The following CUBN variants were observed in gnomAD, a reference collection of about 807,000 sequenced individuals.
CUBN encodes 460 kDa receptor.
Under a neutral mutation model 405.3 loss-of-function variants are expected in CUBN, and 282 were observed. The observed-to-expected ratio is 0.70, with a 90% CI of 0.63 to 0.77. The LOEUF (loss-of-function observed/expected upper bound fraction) is 0.77. Among genes scored for constraint, CUBN ranks in the 30% least tolerant of loss-of-function variants. The pLI is 0.00. For synonymous variants in CUBN, 1,684 were observed against 1,617.0 expected, an observed-to-expected ratio of 1.04 and a Z score of -0.99; for missense variants, 4,514 against 4,475.2, an observed-to-expected ratio of 1.01 and a Z score of -0.25.
At chr10:16,843,630 G>A (rs1456066957) in intron 60 of CUBN, among the ~76,000 whole-genome samples, 1 of 152,158 alleles carries the variant, frequency 6.6e-6, no homozygotes, top group African/African-American at 2.4e-5. Context: ...AATCATTGCT[G>A]TCTTTATGAT....
At chr10:16,874,150 T>G (rs140465183) in intron 58 of CUBN, among the ~76,000 whole-genome samples, 1 of 152,330 alleles carries the variant, frequency 6.6e-6, no homozygotes, top group African/African-American at 2.4e-5. Context: ...AACGACTGTT[T>G]TAACTGGTGA....
chr10:17,061,900 T>C (rs1467504954), intron 22 of CUBN, among the ~76,000 whole-genome samples: 1 of 152,232 alleles, frequency 6.6e-6, no homozygotes, highest in East Asian at 1.9e-4. Context: ...AAGACGGGAC[T>C]CAGTTGTTTA....
intron 36 of CUBN, among the ~76,000 whole-genome samples, chr10:16,944,384 T>C (rs1488461097): frequency 6.6e-6 from 1 of 152,230 alleles, no homozygotes; most frequent in Non-Finnish European, 1.5e-5. Flanking sequence ...TTAGGTTTTA[T>C]TTCTCCCCGT....
At chr10:16,921,051 C>T (rs753226591) in intron 43 of CUBN, among the ~76,000 whole-genome samples, 14 of 152,312 alleles carry the variant, frequency 9.2e-5, no homozygotes, top group African/African-American at 3.4e-4. Flanking sequence ...GTGTTCAATT[C>T]AAGCCATTCA....
At chr10:16,900,927 T>G in intron 52 of CUBN, 77 bp from the exon 53 acceptor site, 1 of 988,816 alleles carries the variant, frequency 1.0e-6, no homozygotes, top group Non-Finnish European at 1.5e-6. Context: ...ACAAATCGTT[T>G]AATTTTGTTT....
intron 31 of CUBN, 59 bp downstream of exon 31, chr10:16,982,425 A>T: frequency 7.0e-7 from 1 of 1,427,430 alleles, no homozygotes; most frequent in Non-Finnish European, 9.9e-7. Context: ...ATATGCTTAT[A>T]TGGCAGTGTT....
chr10:17,114,010 T>C lies in CUBN; in HGVS notation c.883+17A>G, dbSNP rs770647176. The C allele has an allele frequency of 4.3e-6, 7 of 1,610,458 alleles. No individual in the cohort carries two copies. In the South Asian group the frequency reaches 5.5e-5, roughly 13 times the overall value. ...AACCTGGCATGCAGAGCCTGGCTTG[T>C]GGCCCTGAGAATGTACCTGTTGGAC... is the stretch of plus-strand genomic sequence containing the variant. On this transcript the variant is annotated intron_variant, in intron 8 of 66. Coordinates refer to ENST00000377833, the MANE Select transcript of CUBN (RefSeq NM_001081.4).
At chr10:17,022,831 T>C (rs1183392056) in intron 27 of CUBN, among the ~76,000 whole-genome samples, 1 of 152,252 alleles carries the variant, frequency 6.6e-6, no homozygotes, top group African/African-American at 2.4e-5. Flanking sequence ...TGGATTGTAA[T>C]TTAGTGACCA....
intron 31 of CUBN, among the ~76,000 whole-genome samples, chr10:16,981,612 T>C (rs1263581531): frequency 2.6e-5 from 4 of 152,108 alleles, no homozygotes; most frequent in African/African-American, 4.8e-5. Flanking sequence ...TAAAAGAGCA[T>C]TGTAACAAGC....
chr10:16,957,911 A>G (rs910717535), intron 31 of CUBN, among the ~76,000 whole-genome samples: 12 of 149,962 alleles, frequency 8.0e-5, no homozygotes, highest in Admixed American at 2.7e-4. Context: ...AAAAAAAAAG[A>G]AAAAACTCTA....
chr10:17,046,715 T>A (rs1323924863), intron 23 of CUBN, among the ~76,000 whole-genome samples: 1 of 152,178 alleles, frequency 6.6e-6, no homozygotes, highest in Non-Finnish European at 1.5e-5. Flanking sequence ...TTATGATTTA[T>A]TATTTTAATA....
At chr10:16,989,484 C>A (rs1358201546) in intron 29 of CUBN, among the ~76,000 whole-genome samples, 1 of 147,440 alleles carries the variant, frequency 6.8e-6, no homozygotes, top group Non-Finnish European at 1.5e-5. Flanking sequence ...AAGAATATTA[C>A]ATAAATAATG....
chr10:17,069,067 T>C (rs1835679022), intron 19 of CUBN, among the ~76,000 whole-genome samples: 1 of 152,192 alleles, frequency 6.6e-6, no homozygotes, highest in South Asian at 2.1e-4. Context: ...TGTGATTAGC[T>C]TCTTTCACAC....
At chr10:16,908,594 C>G (rs1308894115) in intron 48 of CUBN, among the ~76,000 whole-genome samples, 1 of 152,098 alleles carries the variant, frequency 6.6e-6, no homozygotes, top group South Asian at 2.1e-4. Context: ...ATTATTGACT[C>G]TAAAATATTA....
At chr10:16,939,236 AG>A in intron 37 of CUBN, 89 bp from the exon 38 acceptor site, 1 of 1,028,460 alleles carries the variant, frequency 9.7e-7, no homozygotes, top group Non-Finnish European at 1.5e-6. Flanking sequence ...GGTGTTGAAA[AG>A]GATGGACTTT....
At chr10:16,887,317 T>C (rs911486757) in intron 56 of CUBN, among the ~76,000 whole-genome samples, 1 of 152,244 alleles carries the variant, frequency 6.6e-6, no homozygotes, top group African/African-American at 2.4e-5. Context: ...AATACTTGTG[T>C]TGTTAAAGTT....
chr10:16,866,239 C>A (rs1422741185), intron 59 of CUBN, among the ~76,000 whole-genome samples: 1 of 152,108 alleles, frequency 6.6e-6, no homozygotes, highest in Non-Finnish European at 1.5e-5. Context: ...TTACTGAAAG[C>A]CCCTGATCTA....
In CUBN at chr10:16,824,882, G is replaced by T. The variant is rs111644764; in HGVS notation, c.*93C>A. 3,239 of 860,122 alleles carry T rather than the reference G, an allele frequency of 3.8e-3. 78 individuals are homozygous for T. In the African/African-American group the frequency reaches 0.044, roughly 12 times the overall value. 53.3% of individuals were successfully genotyped at this position (860,122 alleles called of 1,614,324 possible). On this transcript the variant is annotated 3_prime_UTR_variant, in exon 67 of 67. Coordinates refer to ENST00000377833, the MANE Select transcript of CUBN (RefSeq NM_001081.4). ...ACCATACAAGTTCAGCTTATTCTCT[G>T]TGGCATCAGCAGGGGTCATGTATCA...
intron 11 of CUBN, among the ~76,000 whole-genome samples, 153 bp from the exon 12 acceptor site, chr10:17,104,758 TA>T (rs1217873948): frequency 2.0e-5 from 3 of 147,288 alleles, no homozygotes; most frequent in Non-Finnish European, 3.0e-5. Context: ...ATTATATATT[TA>T]AAAATAATTA....
Sources: gnomAD v4.1 joint callset for allele counts (sites outside exome capture counted in the v4.1 genomes callset) on GRCh38, gnomAD v4.1.1 for gene constraint, MANE v1.5 for transcripts, NCBI Gene and HGNC (gene_info 2026-07-23, HGNC 2026-07-21) for gene names.